Variants in RBFOX1 observed in about 807,000 individuals in gnomAD.
RBFOX1 encodes RNA binding fox-1 homolog 1.
In RBFOX1, 8 loss-of-function variants were observed where a neutral mutation model predicts 57.7. The observed-to-expected ratio is 0.14, with a 90% CI of 0.08 to 0.25. The LOEUF (loss-of-function observed/expected upper bound fraction) is 0.25. RBFOX1 is among the 10% of genes least tolerant of loss of function. The probability of loss-of-function intolerance (pLI) is 1.00; values close to 1 mark genes in which losing one functional copy is unlikely to be tolerated. For synonymous variants in RBFOX1, 326 were observed against 222.4 expected (o/e 1.47, Z -4.15); for missense variants, 611 against 548.5 (o/e 1.11, Z -1.14).
At chr16:6,095,640 G>C (rs746826315) in intron 1 of RBFOX1, among the ~76,000 whole-genome samples, 1 of 151,970 alleles carries the variant, frequency 6.6e-6, no homozygotes, top group South Asian at 2.1e-4. Context: ...TTGGGAAGCA[G>C]CCAGCACCGT....
At chr16:5,362,579 C>G (rs567843156) in intron 1 of RBFOX1, among the ~76,000 whole-genome samples, 2 of 152,290 alleles carry the variant, frequency 1.3e-5, no homozygotes, top group East Asian at 3.9e-4. Context: ...TCAGGCTGGT[C>G]TTGAACTCCC....
chr16:5,996,859 C>T (rs993614737), intron 4 of RBFOX1, among the ~76,000 whole-genome samples: 4 of 152,062 alleles, frequency 2.6e-5, no homozygotes, highest in Non-Finnish European at 5.9e-5. Context: ...GGAAAAGAAA[C>T]CCACTGTTGT....
intron 14 of RBFOX1, among the ~76,000 whole-genome samples, chr16:7,677,136 C>CACACACACACACACACACAT (rs1437091317): frequency 6.8e-6 from 1 of 146,560 alleles, no homozygotes; most frequent in Non-Finnish European, 1.5e-5. Context: ...TACACATACA[C>CACACACACACACACACACAT]ACACACACAC....
intron 2 of RBFOX1, among the ~76,000 whole-genome samples, chr16:5,578,733 G>C (rs193107223): frequency 6.7e-4 from 102 of 152,208 alleles, no homozygotes; most frequent in Admixed American, 3.7e-3. Context: ...ATGAACCATG[G>C]AGGGAATGAA....
intron 4 of RBFOX1, among the ~76,000 whole-genome samples, chr16:7,203,783 C>CA (rs2089280485): frequency 1.3e-5 from 2 of 152,156 alleles, no homozygotes; most frequent in South Asian, 4.1e-4. Flanking sequence ...CATAACCCAC[C>CA]AAGCAAAGGC....
At chr16:6,053,842 G>C (rs982464566) in intron 1 of RBFOX1, among the ~76,000 whole-genome samples, 1 of 152,058 alleles carries the variant, frequency 6.6e-6, no homozygotes, top group Non-Finnish European at 1.5e-5. Flanking sequence ...AGGATCGCTT[G>C]AGCACAGGAG....
chr16:7,685,968 C>G (rs765854359), intron 14 of RBFOX1, among the ~76,000 whole-genome samples: 4 of 152,022 alleles, frequency 2.6e-5, no homozygotes, highest in Non-Finnish European at 2.9e-5. Flanking sequence ...ACTTACTACA[C>G]GAGATAATTT....
At chr16:7,225,509 T>G (rs905683867) in intron 4 of RBFOX1, among the ~76,000 whole-genome samples, 1 of 151,900 alleles carries the variant, frequency 6.6e-6, no homozygotes, top group Non-Finnish European at 1.5e-5. Flanking sequence ...CCATTAAATC[T>G]ATTTTTCTTT....
intron 2 of RBFOX1, among the ~76,000 whole-genome samples, chr16:6,588,899 A>G (rs2097669923): frequency 6.6e-6 from 1 of 152,140 alleles, no homozygotes; most frequent in Non-Finnish European, 1.5e-5. Flanking sequence ...GTGGCAGTAA[A>G]GTTGGTCACT....
At chr16:7,154,685 TTGTGTGTGTGTGTGTGTGTGTGTGTG>T (rs56742260) in intron 4 of RBFOX1, among the ~76,000 whole-genome samples, 68 of 143,218 alleles carry the variant, frequency 4.7e-4, no homozygotes, top group Non-Finnish European at 7.6e-4. Flanking sequence ...CCCTCTTCCT[TTGTGTGTGTGTGTGTGTGTGTGTGTG>T]TGTGTGTGTG....
chr16:5,780,578 C>G (rs1210135695), intron 3 of RBFOX1, among the ~76,000 whole-genome samples: 1 of 152,102 alleles, frequency 6.6e-6, no homozygotes, highest in East Asian at 1.9e-4. Flanking sequence ...AAAAAAATCA[C>G]AGTCCTAATA....
intron 3 of RBFOX1, among the ~76,000 whole-genome samples, chr16:5,825,878 G>A (rs200275737): frequency 4.1e-4 from 13 of 31,706 alleles, no homozygotes; most frequent in African/African-American, 1.2e-3. Context: ...ATAATATTCC[G>A]TAATATGAAT....
chr16:7,026,663 G>A (rs372360811), intron 3 of RBFOX1, among the ~76,000 whole-genome samples: 7 of 152,276 alleles, frequency 4.6e-5, no homozygotes, highest in African/African-American at 1.7e-4. Context: ...GAAACAACCA[G>A]AAATACTGTC....
intron 2 of RBFOX1, among the ~76,000 whole-genome samples, chr16:6,427,601 A>G (rs2093966183): frequency 6.6e-6 from 1 of 152,204 alleles, no homozygotes; most frequent in Admixed American, 6.5e-5. Flanking sequence ...AAGAGTAAAA[A>G]TGTTGAGGAG....
chr16:6,763,719 C>T (rs1459164887), intron 3 of RBFOX1, among the ~76,000 whole-genome samples: 1 of 152,166 alleles, frequency 6.6e-6, no homozygotes, highest in Non-Finnish European at 1.5e-5. Flanking sequence ...CCCTTTTAGC[C>T]TGATAGCACG....
At chr16:6,182,152 C>T (rs1180161650) in intron 1 of RBFOX1, among the ~76,000 whole-genome samples, 1 of 152,110 alleles carries the variant, frequency 6.6e-6, no homozygotes, top group Admixed American at 6.5e-5. Flanking sequence ...GATCCTATCA[C>T]ATTATTAAGC....
At chr16:6,619,570 T>C (rs1002036896) in intron 2 of RBFOX1, among the ~76,000 whole-genome samples, 8 of 152,108 alleles carry the variant, frequency 5.3e-5, no homozygotes, top group Non-Finnish European at 1.2e-4. Flanking sequence ...GAAGGACTTA[T>C]TCATTCTCAT....
intron 7 of RBFOX1, 23 bp from the exon 8 acceptor site, chr16:7,595,526 T>C (rs776176794): frequency 4.9e-5 from 74 of 1,522,810 alleles, no homozygotes; most frequent in Non-Finnish European, 5.5e-5. Context: ...CATGTTGTTT[T>C]CCCTTCTCCC....
chr16:6,079,163 A>AG (rs34721103), intron 1 of RBFOX1, among the ~76,000 whole-genome samples: 132,853 of 152,058 alleles, frequency 0.87, 58,446 homozygotes, highest in African/African-American at 0.97. Context: ...AAAGAAAATT[A>AG]CCAGCCGCAT....
Sources: gnomAD v4.1 joint callset for allele counts (sites outside exome capture counted in the v4.1 genomes callset) on GRCh38, gnomAD v4.1.1 for gene constraint, MANE v1.5 for transcripts, NCBI Gene and HGNC (gene_info 2026-07-23, HGNC 2026-07-21) for gene names.